ACLY: variants seen among roughly 807,000 people sequenced by gnomAD.
The protein encoded by ACLY is ATP citrate lyase.
A neutral mutation model predicts 133.0 loss-of-function variants in ACLY; 41 were observed. That is an observed-to-expected ratio of 0.31 (90% CI 0.24 to 0.40). The LOEUF is 0.40. ACLY is among the 10% of genes least tolerant of loss of function. The pLI, the probability that ACLY is intolerant of heterozygous loss-of-function variation, is 1.00. For synonymous variants in ACLY, 495 were observed against 549.3 expected, an observed-to-expected ratio of 0.90 and a Z score of 1.38; for missense variants, 1,046 against 1,453.8, an observed-to-expected ratio of 0.72 and a Z score of 4.56.
chr17:41,894,641 C>G (rs2049315607), intron 14 of ACLY, among the ~76,000 whole-genome samples: 1 of 151,216 alleles, frequency 6.6e-6, no homozygotes, highest in Non-Finnish European at 1.5e-5. Flanking sequence ...TGCACCCCTA[C>G]TATGTACCCA....
chr17:41,900,069 CAAA>C (rs60296550), intron 11 of ACLY, among the ~76,000 whole-genome samples: 5 of 46,628 alleles, frequency 1.1e-4, no homozygotes, highest in African/African-American at 1.3e-4. Context: ...ACCCTGTCTC[CAAA>C]AAAAAAAAAA....
At chr17:41,899,666 TA>T (rs782607240) in intron 11 of ACLY, among the ~76,000 whole-genome samples, 4 of 152,180 alleles carry the variant, frequency 2.6e-5, no homozygotes, top group Non-Finnish European at 5.9e-5. Flanking sequence ...TGGAATGTTC[TA>T]ATTTTAAGAG....
intron 20 of ACLY, among the ~76,000 whole-genome samples, chr17:41,880,206 G>A (rs1339128103): frequency 6.6e-6 from 1 of 152,128 alleles, no homozygotes; most frequent in African/African-American, 2.4e-5. Flanking sequence ...AGCTATGATC[G>A]TTTCCTATAA....
At position 41,892,341 on chromosome 17, in the gene ACLY, T is replaced by A. The variant is rs1555629501; in HGVS notation, c.1708A>T (p.Ile570Phe). The change falls in exon 16 of 29, where the codon ATC (isoleucine) becomes TTC (phenylalanine). Residue 570 changes from isoleucine (I) to phenylalanine (F), a missense_variant. This residue lies in a region of ACLY where 575 missense variants were observed against 804.2 expected (regional missense o/e 0.71). Transcript: ENST00000352035. ...GCAGAGCGGAGAGAGGCAAAGTTGA[T>A]GAGCACATCTACCTCCGGATGCTTC... ...MRKHPEVDVLINFASLRSAYD... is the reference protein window; with the variant it reads ...MRKHPEVDVLFNFASLRSAYD... 1 of 1,609,440 alleles carries A rather than the reference T, an allele frequency of 6.2e-7. No homozygotes were observed. The highest frequency in any genetic ancestry group is 1.1e-5 in the South Asian group (1 of 91,008).
intron 1 of ACLY, among the ~76,000 whole-genome samples, chr17:41,925,560 C>T (rs997454231): frequency 2.0e-5 from 3 of 151,668 alleles, no homozygotes; most frequent in South Asian, 4.2e-4. Context: ...TGCAGTGAGC[C>T]GAGATTGTGC....
intron 13 of ACLY, among the ~76,000 whole-genome samples, chr17:41,897,204 A>C (rs186819728): frequency 6.3e-4 from 95 of 151,874 alleles, no homozygotes; most frequent in Admixed American, 1.6e-3. Context: ...GCTGGCTGCA[A>C]GGGCTGGCCG....
At chr17:41,923,990 G>A (rs782255294), upstream of ACLY, among the ~76,000 whole-genome samples, 1 of 151,838 alleles carries the variant, frequency 6.6e-6, no homozygotes, top group Non-Finnish European at 1.5e-5. Context: ...TTTCTATTTT[G>A]AGTAGAAATG....
In ACLY at chr17:41,873,927, G is replaced by A; in HGVS notation, c.2526C>T (p.Thr842=). The part of the protein sequence containing the change: ...GLIRKPASFM[T]SICDERGQEL... ...CCTGTCCTCGCTCATCGCAGATGCTGGTCATGAACGAGGCAGGTTTGCGGA... is the reference window on the plus strand; with the variant it reads ...CCTGTCCTCGCTCATCGCAGATGCTAGTCATGAACGAGGCAGGTTTGCGGA... Residue 842 remains threonine, a synonymous_variant, in exon 23 of 29, where the codon ACC becomes ACT. Transcript: ENST00000352035. 2 of 1,608,480 alleles carry A rather than the reference G, an allele frequency of 1.2e-6. No individual in the cohort carries two copies. Among genetic ancestry groups the A allele is most frequent in the Non-Finnish European group, 1.7e-6 (2 of 1,176,034 alleles).
At chr17:41,904,476 C>T (rs557736743) in intron 10 of ACLY, 16 of 499,998 alleles carry the variant, frequency 3.2e-5, no homozygotes, top group South Asian at 8.5e-5. Flanking sequence ...AGCAGAAATT[C>T]GCCTCCCATG....
chr17:41,879,843 G>C (rs1461214463), intron 20 of ACLY, among the ~76,000 whole-genome samples: 1 of 151,146 alleles, frequency 6.6e-6, no homozygotes, highest in African/African-American at 2.4e-5. Flanking sequence ...CTCCTCCCGT[G>C]TAGCTGGGAC....
chr17:41,918,978 T>G, upstream of ACLY: 1 of 1,288,162 alleles, frequency 7.8e-7, no homozygotes, highest in South Asian at 1.2e-5. Flanking sequence ...GGATCCGGCT[T>G]TTGTCCCGGC....
chr17:41,926,357 C>T (rs1555635962), intron 1 of ACLY, among the ~76,000 whole-genome samples: 1 of 152,196 alleles, frequency 6.6e-6, no homozygotes, highest in Non-Finnish European at 1.5e-5. Flanking sequence ...TTTCTCTCAG[C>T]CTCAGAGTTT....
rs1043447575 is a variant in ACLY, at chr17:41,905,026, C to T, written c.1004-236G>A. On this transcript the variant is annotated intron_variant, in intron 9 of 28. Transcript: ENST00000352035. ...AAACCCACAGGAGCACTACATAACT[C>T]CTAACCAACATCCAAAAATCCAGGT... is the stretch of plus-strand genomic sequence containing the variant. 3.9e-5 allele frequency among the ~76,000 whole-genome samples: 6 copies of T among 152,128 alleles called. No individual in the cohort carries two copies. The South Asian group carries it at 1.2e-3, about 31-fold the overall frequency.
intron 25 of ACLY, 72 bp from the exon 26 acceptor site, chr17:41,869,659 C>T: frequency 2.2e-6 from 3 of 1,335,644 alleles, no homozygotes; most frequent in Non-Finnish European, 3.2e-6. Flanking sequence ...ACTTGTGTTA[C>T]AGGTAGGTAG....
chr17:41,914,285 G>T (rs1382223391), intron 1 of ACLY, among the ~76,000 whole-genome samples: 1 of 152,124 alleles, frequency 6.6e-6, no homozygotes, highest in Non-Finnish European at 1.5e-5. Flanking sequence ...CTGAGTGCTG[G>T]TCCCATCTGA....
intron 10 of ACLY, 62 bp downstream of exon 10, chr17:41,904,667 C>T (rs1318931633): frequency 6.6e-7 from 1 of 1,508,372 alleles, no homozygotes; most frequent in East Asian, 2.3e-5. Context: ...GCTTTCAAGG[C>T]CCCTTCCCTG....
At chr17:41,889,262 T>C (rs1283989216) in intron 16 of ACLY, among the ~76,000 whole-genome samples, 1 of 152,022 alleles carries the variant, frequency 6.6e-6, no homozygotes, top group Non-Finnish European at 1.5e-5. Context: ...CTCACGCCTG[T>C]AATATCAGCA....
chr17:41,909,034 A>C lies in ACLY; in HGVS notation c.571T>G (p.Phe191Val). Residue 191 changes from phenylalanine (F) to valine (V), a missense_variant, in exon 6 of 29, where the codon TTC becomes GTC. By Grantham distance (50) the Phe-to-Val change is conservative. This residue lies in a region of ACLY where 227 missense variants were observed against 245.6 expected (regional missense o/e 0.92). Transcript: ENST00000352035. ...TAGGTGAAGTACAAGTCCTCGTAGA[A>C]ATTGAAGAGGCCGGAGATAAAACTG... ...LASFISGLFN[F>V]YEDLYFTYLE... 1 of 1,613,276 alleles carries C rather than the reference A, an allele frequency of 6.2e-7. No individual in the cohort carries two copies. Among genetic ancestry groups the C allele is most frequent in the Non-Finnish European group, 8.5e-7 (1 of 1,179,910 alleles).
intron 15 of ACLY, among the ~76,000 whole-genome samples, chr17:41,892,745 G>C (rs997026660): frequency 1.3e-5 from 2 of 151,738 alleles, no homozygotes; most frequent in Non-Finnish European, 2.9e-5. Flanking sequence ...GGCATAATTA[G>C]AGTTCACTGC....
Sources: gnomAD v4.1 joint callset for allele counts (sites outside exome capture counted in the v4.1 genomes callset) on GRCh38, gnomAD v4.1.1 for gene constraint, gnomAD v4.1.1 regional missense constraint, MANE v1.5 for transcripts, NCBI Gene and HGNC (gene_info 2026-07-23, HGNC 2026-07-21) for gene names.